The following TNPO1 variants were observed in gnomAD, a reference collection of about 807,000 sequenced individuals.
TNPO1 encodes transportin-1.
In TNPO1, 8 loss-of-function variants were observed where a neutral mutation model predicts 119.5. That is an observed-to-expected ratio of 0.07 (90% CI 0.04 to 0.12). The LOEUF is 0.12. Ranked by LOEUF, TNPO1 falls within the 10% of genes least tolerant of loss-of-function variation. The pLI is 1.00. For missense variants in TNPO1, 576 were observed against 1,089.8 expected, an observed-to-expected ratio of 0.53 and a Z score of 6.64; for synonymous variants, 362 against 363.0, an observed-to-expected ratio of 1.00 and a Z score of 0.03.
At chr5:72,866,329 TG>T (rs1378236749) in intron 6 of TNPO1, among the ~76,000 whole-genome samples, 3 of 152,218 alleles carry the variant, frequency 2.0e-5, no homozygotes, top group African/African-American at 7.2e-5. Flanking sequence ...ATTATAATAA[TG>T]TTGTTATTTC....
intron 5 of TNPO1, 74 bp downstream of exon 5, chr5:72,861,988 G>A (rs1746492049): frequency 6.4e-6 from 7 of 1,096,198 alleles, no homozygotes; most frequent in South Asian, 4.1e-5. Flanking sequence ...GCAGCTTTTG[G>A]GAAAAATAGT....
At chr5:72,877,375 T>G (rs1179047822) in intron 9 of TNPO1, 29 bp downstream of exon 9, 4 of 1,099,768 alleles carry the variant, frequency 3.6e-6, no homozygotes, top group South Asian at 3.4e-5. Context: ...AAATGCTGCC[T>G]TGTTCTTTAA....
rs1221884745 is a variant in TNPO1, at chr5:72,911,968, T to A, written c.*3295T>A. On this transcript the variant is annotated 3_prime_UTR_variant, in exon 25 of 25. Coordinates refer to ENST00000337273, the MANE Select transcript of TNPO1 (RefSeq NM_002270.4). ...AAATGCATGTTTGGCAGTTCCATGT[T>A]ACAGTCCATTAGCGAGTGAACTTAG... 6.6e-6 allele frequency: 1 copy of A among 152,504 alleles called. No individual in the cohort carries two copies. The highest frequency in any genetic ancestry group is 1.5e-5 in the Non-Finnish European group (1 of 67,926). 9.4% of individuals were successfully genotyped at this position (152,504 alleles called of 1,614,324 possible).
chr5:72,867,690 TGATA>T (rs566790910), intron 6 of TNPO1, among the ~76,000 whole-genome samples: 140 of 152,360 alleles, frequency 9.2e-4, no homozygotes, highest in Middle Eastern at 3.4e-3. Flanking sequence ...TTACATTTCT[TGATA>T]GATAATTTTA....
At chr5:72,823,398 A>G (rs988990161) in intron 1 of TNPO1, among the ~76,000 whole-genome samples, 9 of 152,184 alleles carry the variant, frequency 5.9e-5, no homozygotes, top group African/African-American at 1.2e-4. Flanking sequence ...CTTCCCATCT[A>G]TGCTATATCA....
At position 72,911,642 on chromosome 5, in the gene TNPO1, G is replaced by A. The variant is rs1750570029; in HGVS notation, c.*2969G>A. 6.6e-6 allele frequency: 1 copy of A among 152,504 alleles called. No homozygotes were observed. The highest frequency in any genetic ancestry group is 1.5e-5 in the Non-Finnish European group (1 of 67,928). 9.4% of individuals were successfully genotyped at this position (152,504 alleles called of 1,614,324 possible). Reference sequence around the variant, plus strand: ...TGACTGAATGTCTATAAAATTGTGAGTTTGTCTTTGTTACATTCCAGTGTT... The same window carrying A: ...TGACTGAATGTCTATAAAATTGTGAATTTGTCTTTGTTACATTCCAGTGTT... On this transcript the variant is annotated 3_prime_UTR_variant, in exon 25 of 25. Transcript: ENST00000337273.
At chr5:72,888,507 A>G (rs1748818721) in intron 13 of TNPO1, among the ~76,000 whole-genome samples, 1 of 152,088 alleles carries the variant, frequency 6.6e-6, no homozygotes. Context: ...ATATTAGCGT[A>G]TTTTATACAT....
At chr5:72,903,387 G>T (rs146671040) in intron 22 of TNPO1, among the ~76,000 whole-genome samples, 1,628 of 152,262 alleles carry the variant, frequency 0.011, 29 homozygotes, top group African/African-American at 0.036. Flanking sequence ...GTAAATGAAA[G>T]AGTATTTTTA....
chr5:72,875,906 A>G (rs1400021847), intron 8 of TNPO1, among the ~76,000 whole-genome samples, 169 bp downstream of exon 8: 1 of 152,142 alleles, frequency 6.6e-6, no homozygotes, highest in Non-Finnish European at 1.5e-5. Flanking sequence ...AGTTGTACAT[A>G]CTGTATAACT....
chr5:72,856,078 A>G (rs538354121), intron 4 of TNPO1, among the ~76,000 whole-genome samples, 155 bp downstream of exon 4: 1 of 152,322 alleles, frequency 6.6e-6, no homozygotes, highest in African/African-American at 2.4e-5. Flanking sequence ...TGGTGTAATC[A>G]TGGTAAAAGC....
chr5:72,896,334 A>AT (rs533077259), intron 18 of TNPO1, 124 bp from the exon 19 acceptor site: 2 of 522,688 alleles, frequency 3.8e-6, no homozygotes, highest in South Asian at 3.8e-5. Flanking sequence ...TGTTGCAGTA[A>AT]TTTTTTTAAT....
chr5:72,896,442 T>C lies in TNPO1; in HGVS notation c.2144-16T>C, dbSNP rs549975786. On this transcript the variant is annotated splice_polypyrimidine_tract_variant and intron_variant, in intron 18 of 24. Transcript: ENST00000337273. ...CTATTGAAAAGTTTACTACATAGTT[T>C]AAATTTTTTTTCTAGCTGATTTCAT... The C allele has an allele frequency of 4.9e-5, 78 of 1,601,002 alleles. No individual in the cohort carries two copies. The highest frequency in any genetic ancestry group is 5.8e-5 in the Non-Finnish European group (68 of 1,169,806).
intron 1 of TNPO1, among the ~76,000 whole-genome samples, chr5:72,831,924 T>C (rs1744491499): frequency 6.6e-6 from 1 of 152,088 alleles, no homozygotes; most frequent in African/African-American, 2.4e-5. Context: ...TAAGCATAAA[T>C]ACTTTTCACG....
At chr5:72,831,467 T>C (rs1744462194) in intron 1 of TNPO1, among the ~76,000 whole-genome samples, 1 of 152,042 alleles carries the variant, frequency 6.6e-6, no homozygotes, top group Admixed American at 6.5e-5. Flanking sequence ...TTCTAAATTT[T>C]GTACTATTAC....
intron 5 of TNPO1, among the ~76,000 whole-genome samples, chr5:72,864,290 T>C (rs1028540341): frequency 6.6e-6 from 1 of 152,222 alleles, no homozygotes; most frequent in African/African-American, 2.4e-5. Flanking sequence ...TTTTAAGATA[T>C]TATAAAATCT....
At chr5:72,868,172 C>A (rs980832930) in intron 6 of TNPO1, among the ~76,000 whole-genome samples, 1 of 151,602 alleles carries the variant, frequency 6.6e-6, no homozygotes, top group Non-Finnish European at 1.5e-5. Flanking sequence ...GTGGCTCACG[C>A]CTGTAATCCC....
chr5:72,819,199 C>T (rs915141783), intron 1 of TNPO1, among the ~76,000 whole-genome samples: 2 of 152,126 alleles, frequency 1.3e-5, no homozygotes, highest in African/African-American at 4.8e-5. Context: ...GGAAGCCACC[C>T]CAGGCAAAGA....
At position 72,897,405 on chromosome 5, in the gene TNPO1, A is replaced by G. The variant is rs140334059; in HGVS notation, c.2338+254A>G. 4.4e-3 allele frequency among the ~76,000 whole-genome samples: 677 copies of G among 152,236 alleles called. 3 individuals carry two copies. Among genetic ancestry groups the G allele is most frequent in the African/African-American group, 0.015 (632 of 41,548 alleles). On this transcript the variant is annotated intron_variant, in intron 20 of 24. Coordinates refer to ENST00000337273, the MANE Select transcript of TNPO1 (RefSeq NM_002270.4). The stretch of plus-strand genomic sequence containing the variant: ...TTCCAGTGTTTTAATACTTCCTGCA[A>G]TGGATCCCAGCAAAGATAACTATTG...
At chr5:72,884,778 C>T (rs996488132) in intron 11 of TNPO1, among the ~76,000 whole-genome samples, 1 of 151,942 alleles carries the variant, frequency 6.6e-6, no homozygotes, top group South Asian at 2.1e-4. Flanking sequence ...ATGTGAATGC[C>T]ACATCATGCA....
Sources: gnomAD v4.1 joint callset for allele counts (sites outside exome capture counted in the v4.1 genomes callset) on GRCh38, gnomAD v4.1.1 for gene constraint, MANE v1.5 for transcripts, NCBI Gene and HGNC (gene_info 2026-07-23, HGNC 2026-07-21) for gene names.